INTS2: variants seen among roughly 807,000 people sequenced by gnomAD.
The protein encoded by INTS2 is KIAA1287.
A neutral mutation model predicts 139.6 loss-of-function variants in INTS2; 57 were observed. The ratio of observed to expected loss-of-function variants is 0.41; its 90% CI spans 0.33 to 0.51. The LOEUF (loss-of-function observed/expected upper bound fraction) is 0.51, where lower values mean the gene tolerates loss of function less well. INTS2 is among the 20% of genes least tolerant of loss of function. The pLI is 0.28. For synonymous variants in INTS2, 473 were observed against 493.4 expected (o/e 0.96, Z 0.55); for missense variants, 1,196 against 1,436.7 (o/e 0.83, Z 2.71).
intron 16 of INTS2, among the ~76,000 whole-genome samples, 191 bp from the exon 17 acceptor site, chr17:61,881,362 C>T (rs746699344): frequency 1.3e-5 from 2 of 152,070 alleles, no homozygotes; most frequent in Non-Finnish European, 2.9e-5. Flanking sequence ...TTTGGGAAGC[C>T]GAGGCGGGTG....
At chr17:61,917,682 A>G (rs1030308527) in intron 5 of INTS2, among the ~76,000 whole-genome samples, 2 of 152,188 alleles carry the variant, frequency 1.3e-5, no homozygotes, top group African/African-American at 4.8e-5. Context: ...TACTATGCTC[A>G]TAACCTGGGT....
At chr17:61,904,625 G>T in intron 8 of INTS2, 40 bp from the exon 9 acceptor site, 1 of 1,510,660 alleles carries the variant, frequency 6.6e-7, no homozygotes, top group Non-Finnish European at 8.9e-7. Flanking sequence ...ATTTTTAGTT[G>T]GGATGAAGAA....
At position 61,873,366 on chromosome 17, in the gene INTS2, A is replaced by G. The variant is rs927416318; in HGVS notation, c.2583-906T>C. Among the ~76,000 whole-genome samples, 3 of 151,490 alleles carry G rather than the reference A, an allele frequency of 2.0e-5. No homozygotes were observed. Among genetic ancestry groups the G allele is most frequent in the South Asian group, 4.1e-4 (2 of 4,832 alleles). The stretch of plus-strand genomic sequence containing the variant: ...TAGCAAGACCCCCAACTCAAAAAAT[A>G]AAAATAAATTTGAAATAAGAACATT... On this transcript the variant is annotated intron_variant, in intron 19 of 24. Coordinates refer to ENST00000251334, the MANE Select transcript of INTS2 (RefSeq NM_001351695.2). The surrounding 1 kb of genome is among the most constrained non-coding windows in gnomAD (Gnocchi z 4.0).
chr17:61,923,477 C>CAA lies in INTS2; in HGVS notation c.432+1482_432+1483dup, dbSNP rs933124889. On this transcript the variant is annotated intron_variant, in intron 3 of 24. Transcript: ENST00000251334. ...GGGCGACAGAGTGAGACTCTGTCTC[C>CAA]AAAAAAAAAAAAAAAAAAAAAAAAA... 7.8e-3 allele frequency among the ~76,000 whole-genome samples: 239 copies of CAA among 30,508 alleles called. 5 individuals are homozygous for CAA. The highest frequency in any genetic ancestry group is 0.015 in the African/African-American group (112 of 7,388). 20.0% of individuals were successfully genotyped at this position (30,508 alleles called of 152,430 possible).
intron 5 of INTS2, among the ~76,000 whole-genome samples, chr17:61,916,205 C>T (rs1050818226): frequency 6.6e-6 from 1 of 151,990 alleles, no homozygotes; most frequent in Non-Finnish European, 1.5e-5. Context: ...TAGGCTGAGG[C>T]GGGCAGACCA....
At position 61,891,587 on chromosome 17, in the gene INTS2, T is replaced by C; in HGVS notation, c.1801A>G (p.Lys601Glu). Reference sequence around the variant, plus strand: ...TGATTTGTGGCTTCTGGATTAGATTTCGACGCAGGAGTAAGTATAGAATTT... The same window carrying C: ...TGATTTGTGGCTTCTGGATTAGATTCCGACGCAGGAGTAAGTATAGAATTT... ...YINSILTPAS[K>E]SNPEATNQPV... Residue 601 changes from lysine (K) to glutamate (E), a missense_variant, in exon 14 of 25, where the codon AAA becomes GAA. Around this residue, in one of 3 missense-constraint regions of INTS2, gnomAD observed 1,129 missense variants for 1,341.9 expected, o/e 0.84. Transcript: ENST00000251334. The C allele has an allele frequency of 1.9e-6, 3 of 1,613,812 alleles. No individual in the cohort carries two copies. The highest frequency in any genetic ancestry group is 2.5e-6 in the Non-Finnish European group (3 of 1,179,752).
Position 61,925,089 on chromosome 17 carries a change from C to T in INTS2, c.304G>A (p.Gly102Arg), listed in dbSNP as rs745653407. The T allele has an allele frequency of 7.4e-6, 12 of 1,613,206 alleles. No individual in the cohort carries two copies. Among genetic ancestry groups the T allele is most frequent in the Admixed American group, 3.3e-5 (2 of 59,978 alleles). Residue 102 changes from glycine (G) to arginine (R), a missense_variant, in exon 3 of 25, where the codon GGA becomes AGA. This residue lies in a region of INTS2 where 1,129 missense variants were observed against 1,341.9 expected (regional missense o/e 0.84). Transcript: ENST00000251334. ...AGGATGCTCTCTCCACTGCCTCCTC[C>T]AAGTTTATGCCTAATGAAGTACAAA... ...SKEQQLRHKL[G>R]GGSGESILVS... is the part of the protein sequence containing the mutation.
chr17:61,885,866 T>A (rs2079223329), intron 15 of INTS2, among the ~76,000 whole-genome samples: 1 of 150,208 alleles, frequency 6.7e-6, no homozygotes, highest in Non-Finnish European at 1.5e-5. Context: ...GTAGCTGGGA[T>A]TACAAGCGCC....
Position 61,872,492 on chromosome 17 carries a change from T to C in INTS2, c.2583-32A>G. The C allele has an allele frequency of 7.3e-7, 1 of 1,362,368 alleles. No individual in the cohort carries two copies. The highest frequency in any genetic ancestry group is 1.0e-6 in the Non-Finnish European group (1 of 996,920). The allele number at this position is 1,362,368 out of a possible 1,614,324, so 84.4% of individuals were successfully genotyped here. A position where few individuals can be genotyped will look rare whatever the true frequency, so the allele number is the denominator to read the frequency against. Reference sequence around the variant, plus strand: ...AAGGAAAGCAGAAAAGAAAAATATATCAGAAAGAATATAAATTTATAAATT... The same window carrying C: ...AAGGAAAGCAGAAAAGAAAAATATACCAGAAAGAATATAAATTTATAAATT... On this transcript the variant is annotated intron_variant, in intron 19 of 24. Coordinates refer to ENST00000251334, the MANE Select transcript of INTS2 (RefSeq NM_001351695.2). The surrounding 1 kb of genome is among the most constrained non-coding windows in gnomAD (Gnocchi z 4.8).
chr17:61,888,984 CACTG>C (rs1273210045), intron 15 of INTS2, among the ~76,000 whole-genome samples: 1 of 151,288 alleles, frequency 6.6e-6, no homozygotes, highest in Admixed American at 6.6e-5. Flanking sequence ...AAGATCATGC[CACTG>C]CACTCTAGGC....
Position 61,897,775 on chromosome 17 carries a change from T to C in INTS2, c.1308-36A>G. The C allele has an allele frequency of 7.6e-7, 1 of 1,314,914 alleles. No homozygotes were observed. The highest frequency in any genetic ancestry group is 2.0e-5 in the Admixed American group (1 of 51,026). 81.5% of individuals were successfully genotyped at this position (1,314,914 alleles called of 1,614,324 possible). A position where few individuals can be genotyped will look rare whatever the true frequency, so the allele number is the denominator to read the frequency against. On this transcript the variant is annotated intron_variant, in intron 9 of 24. Transcript: ENST00000251334. This position sits in a 1 kb window ranked among gnomAD's most constrained non-coding sequence, Gnocchi z 4.4. The stretch of plus-strand genomic sequence containing the variant: ...TATACCAGAATGTCACTGGTTTAAA[T>C]TAGATATACTAGCATATGAATAAAA...
intron 16 of INTS2, 108 bp from the exon 17 acceptor site, chr17:61,881,279 T>A: frequency 1.2e-6 from 1 of 845,524 alleles, no homozygotes; most frequent in Non-Finnish European, 1.8e-6. Context: ...AAGAGGGTTA[T>A]GCTCTAAGTC....
intron 7 of INTS2, among the ~76,000 whole-genome samples, chr17:61,908,616 AATT>A (rs1454039954): frequency 1.3e-5 from 2 of 152,164 alleles, no homozygotes; most frequent in African/African-American, 4.8e-5. Context: ...GACAAATGTT[AATT>A]ATTATCTTTT....
In INTS2 at chr17:61,891,519, G is replaced by A; in HGVS notation, c.1869C>T (p.Val623=). The A allele has an allele frequency of 6.2e-7, 1 of 1,611,634 alleles. No individual in the cohort carries two copies. Among genetic ancestry groups the A allele is most frequent in the Non-Finnish European group, 8.5e-7 (1 of 1,178,394 alleles). Reference sequence around the variant, plus strand: ...AAAAGAACCACTATTTTACCCCAATGACTCCTTGGAAAATATTGAGTATCT... The same window carrying A: ...AAAAGAACCACTATTTTACCCCAATAACTCCTTGGAAAATATTGAGTATCT... The part of the protein sequence containing the change: ...EQEILNIFQG[V]IGGDNIRLNQ... Residue 623 remains valine, a synonymous_variant, in exon 14 of 25, where the codon GTC becomes GTT. Coordinates refer to ENST00000251334, the MANE Select transcript of INTS2 (RefSeq NM_001351695.2).
Position 61,867,285 on chromosome 17 carries a change from A to G in INTS2, c.*272T>C, listed in dbSNP as rs992210992. The G allele has an allele frequency of 4.1e-5, 9 of 217,188 alleles. No homozygotes were observed. The highest frequency in any genetic ancestry group is 2.0e-4 in the African/African-American group (9 of 43,962). The allele number at this position is 217,188 out of a possible 1,614,324, so 13.5% of individuals were successfully genotyped here. ...ACAAGGCCAAATTCCCTTTCCAATA[A>G]TGAGTTTCTTACATGTGTTCCCAGT... On this transcript the variant is annotated 3_prime_UTR_variant, in exon 25 of 25. Coordinates refer to ENST00000251334, the MANE Select transcript of INTS2 (RefSeq NM_001351695.2). The surrounding 1 kb of genome is among the most constrained non-coding windows in gnomAD (Gnocchi z 5.6).
At chr17:61,925,579 A>AAAAAAT (rs907927055) in intron 2 of INTS2, among the ~76,000 whole-genome samples, 3 of 151,954 alleles carry the variant, frequency 2.0e-5, no homozygotes, top group African/African-American at 7.3e-5. Flanking sequence ...TCGGTCTAAA[A>AAAAAAT]AAAAATAAAA....
intron 17 of INTS2, among the ~76,000 whole-genome samples, 191 bp from the exon 18 acceptor site, chr17:61,878,279 C>T (rs1268687181): frequency 6.6e-6 from 1 of 152,100 alleles, no homozygotes; most frequent in East Asian, 1.9e-4. Flanking sequence ...AAAATAAGGG[C>T]CAGATGGATG....
intron 14 of INTS2, among the ~76,000 whole-genome samples, chr17:61,890,864 G>T (rs148749819): frequency 3.5e-4 from 52 of 150,066 alleles, no homozygotes; most frequent in African/African-American, 1.2e-3. Context: ...AGGAGTTTGA[G>T]ACCAGCCTAC....
intron 1 of INTS2, chr17:61,927,213 C>A: frequency 5.9e-6 from 1 of 168,658 alleles, no homozygotes; most frequent in East Asian, 1.8e-4. Context: ...CTGGGCAGAA[C>A]CAATGCCAGA....
Sources: allele counts gnomAD v4.1 joint callset (sites outside exome capture counted in the v4.1 genomes callset), GRCh38; gene constraint gnomAD v4.1.1; regional missense constraint gnomAD v4.1.1; non-coding constraint Gnocchi (gnomAD v3.1); transcripts MANE v1.5; gene names NCBI Gene and HGNC (gene_info 2026-07-23, HGNC 2026-07-21).